The following PHLPP1 variants were observed in gnomAD, a reference collection of about 807,000 sequenced individuals.
The protein encoded by PHLPP1 is PH domain leucine-rich repeat-containing protein phosphatase 1.
Under a neutral mutation model 117.2 loss-of-function variants are expected in PHLPP1, and 42 were observed. The observed-to-expected ratio is 0.36, with a 90% CI of 0.28 to 0.46. PHLPP1 has a LOEUF of 0.46. Among genes scored for constraint, PHLPP1 ranks in the 20% least tolerant of loss-of-function variants. The pLI, the probability that PHLPP1 is intolerant of heterozygous loss-of-function variation, is 1.00. For synonymous variants in PHLPP1, 1,042 were observed against 970.7 expected, an observed-to-expected ratio of 1.07 and a Z score of -1.37; for missense variants, 2,084 against 2,241.9, an observed-to-expected ratio of 0.93 and a Z score of 1.42.
intron 1 of PHLPP1, among the ~76,000 whole-genome samples, chr18:62,740,726 A>G (rs1911500699): frequency 6.6e-6 from 1 of 152,240 alleles, no homozygotes; most frequent in Admixed American, 6.5e-5. Flanking sequence ...TAATCCCAGC[A>G]CTTTGGGAGA....
chr18:62,802,705 A>G (rs879859591), intron 1 of PHLPP1, among the ~76,000 whole-genome samples: 12 of 152,146 alleles, frequency 7.9e-5, no homozygotes, highest in Non-Finnish European at 1.5e-4. Context: ...TACTGTGTGA[A>G]AACACCGAGA....
chr18:62,932,512 A>G (rs1033505674), intron 10 of PHLPP1, among the ~76,000 whole-genome samples: 3 of 152,230 alleles, frequency 2.0e-5, no homozygotes, highest in African/African-American at 7.2e-5. Flanking sequence ...AATTAAAAAC[A>G]AAATCTGTAT....
chr18:62,808,406 G>A (rs930992684), intron 1 of PHLPP1, among the ~76,000 whole-genome samples: 5 of 152,240 alleles, frequency 3.3e-5, no homozygotes, highest in African/African-American at 1.2e-4. Context: ...ACAGTATGAT[G>A]TAATCAATCT....
intron 13 of PHLPP1, among the ~76,000 whole-genome samples, chr18:62,960,402 G>A (rs760648667): frequency 2.0e-5 from 3 of 152,138 alleles, no homozygotes; most frequent in Admixed American, 1.3e-4. Flanking sequence ...ATGTTTACAC[G>A]TAAATATACT....
rs574337112 is a variant in PHLPP1 at position 62,750,639 on chromosome 18, A to G, written c.1576+33380A>G. On this transcript the variant is annotated intron_variant, in intron 1 of 16. Transcript: ENST00000262719. ...CTTTTCTTTTTCCTGATTTCCAGCT[A>G]CTTGTGAGACTTGTTGCTGTTGTGG... Among the ~76,000 whole-genome samples, 9 of 150,032 alleles carry G rather than the reference A, an allele frequency of 6.0e-5. No homozygotes were observed. In the East Asian group the frequency reaches 1.6e-3, roughly 26 times the overall value.
At chr18:62,869,520 A>T (rs2144370898) in intron 4 of PHLPP1, among the ~76,000 whole-genome samples, 1 of 152,248 alleles carries the variant, frequency 6.6e-6, no homozygotes, top group Non-Finnish European at 1.5e-5. Context: ...AAACATCATC[A>T]CTATCCTGAC....
At chr18:62,825,486 T>A (rs1185860872) in intron 1 of PHLPP1, 1 of 149,064 alleles carries the variant, frequency 6.7e-6, no homozygotes, top group Non-Finnish European at 1.5e-5. Flanking sequence ...AAAGACAAGG[T>A]CTTATTCCAT....
intron 13 of PHLPP1, among the ~76,000 whole-genome samples, chr18:62,960,998 T>A (rs1283966086): frequency 6.6e-6 from 1 of 152,110 alleles, no homozygotes; most frequent in East Asian, 1.9e-4. Flanking sequence ...TCTGACTCAT[T>A]TAAAGATATA....
intron 1 of PHLPP1, among the ~76,000 whole-genome samples, chr18:62,785,944 A>C (rs958772150): frequency 6.6e-6 from 1 of 152,232 alleles, no homozygotes; most frequent in Non-Finnish European, 1.5e-5. Context: ...GTAGATACAC[A>C]TAGGGAGATG....
At chr18:62,913,137 C>T (rs1052126951) in intron 8 of PHLPP1, among the ~76,000 whole-genome samples, 7 of 152,246 alleles carry the variant, frequency 4.6e-5, no homozygotes, top group Admixed American at 2.6e-4. Context: ...ATCCACCTCC[C>T]GTGCTGTCAC....
At chr18:62,724,275 ACT>A (rs1369495382) in intron 1 of PHLPP1, among the ~76,000 whole-genome samples, 1 of 152,096 alleles carries the variant, frequency 6.6e-6, no homozygotes, top group African/African-American at 2.4e-5. Context: ...CATCAAGTTT[ACT>A]CTAATAACTG....
intron 1 of PHLPP1, among the ~76,000 whole-genome samples, chr18:62,795,449 C>T (rs1392578816): frequency 7.0e-6 from 1 of 141,996 alleles, no homozygotes; most frequent in Non-Finnish European, 1.5e-5. Flanking sequence ...GCTGAGATCA[C>T]ACCACTGCAC....
At chr18:62,953,760 G>T (rs1910532425) in intron 12 of PHLPP1, among the ~76,000 whole-genome samples, 1 of 152,168 alleles carries the variant, frequency 6.6e-6, no homozygotes, top group Non-Finnish European at 1.5e-5. Context: ...CTTTTACCTT[G>T]CAAGGGCAAG....
At chr18:62,952,873 C>T (rs770144309) in intron 12 of PHLPP1, among the ~76,000 whole-genome samples, 1 of 152,182 alleles carries the variant, frequency 6.6e-6, no homozygotes, top group Non-Finnish European at 1.5e-5. Context: ...CCTTCCACAA[C>T]GGTCTCCCAA....
chr18:62,929,105 G>A (rs1909732583), intron 10 of PHLPP1, among the ~76,000 whole-genome samples: 2 of 152,078 alleles, frequency 1.3e-5, no homozygotes. Flanking sequence ...AAATCACTAA[G>A]TCACACAATT....
At chr18:62,835,489 C>T (rs1364114620) in intron 2 of PHLPP1, among the ~76,000 whole-genome samples, 1 of 151,992 alleles carries the variant, frequency 6.6e-6, no homozygotes, top group Non-Finnish European at 1.5e-5. Context: ...TGAGCCACCG[C>T]ACCTGGCTCC....
At chr18:62,806,812 T>A (rs900819428) in intron 1 of PHLPP1, among the ~76,000 whole-genome samples, 3 of 152,178 alleles carry the variant, frequency 2.0e-5, no homozygotes, top group African/African-American at 7.2e-5. Flanking sequence ...TCTAAAGCTT[T>A]TAAATATAGT....
chr18:62,804,791 A>G (rs1284629526), intron 1 of PHLPP1, among the ~76,000 whole-genome samples: 1 of 150,560 alleles, frequency 6.6e-6, no homozygotes, highest in Non-Finnish European at 1.5e-5. Flanking sequence ...ATGTAAACAC[A>G]CATATACATA....
At chr18:62,760,770 TTTTG>T (rs1458711144) in intron 1 of PHLPP1, among the ~76,000 whole-genome samples, 1 of 152,170 alleles carries the variant, frequency 6.6e-6, no homozygotes, top group Non-Finnish European at 1.5e-5. Context: ...AAGGTGGGTT[TTTTG>T]TTTGTTATTA....
Sources: allele counts gnomAD v4.1 joint callset (sites outside exome capture counted in the v4.1 genomes callset), GRCh38; gene constraint gnomAD v4.1.1; transcripts MANE v1.5; gene names NCBI Gene and HGNC (gene_info 2026-07-23, HGNC 2026-07-21).